The following SERTM1 variants were observed in gnomAD, a reference collection of about 807,000 sequenced individuals.
SERTM1 encodes serine rich and transmembrane domain containing 1.
Under a neutral mutation model 5.5 loss-of-function variants are expected in SERTM1, and 1 was observed. The ratio of observed to expected loss-of-function variants is 0.18; its 90% CI spans 0.06 to 0.86. SERTM1 has a LOEUF of 0.86. Among genes scored for constraint, SERTM1 ranks in the 40% least tolerant of loss-of-function variants. The pLI, the probability that SERTM1 is intolerant of heterozygous loss-of-function variation, is 0.69. For synonymous variants in SERTM1, 52 were observed against 55.1 expected, an observed-to-expected ratio of 0.94 and a Z score of 0.25; for missense variants, 91 against 122.4, an observed-to-expected ratio of 0.74 and a Z score of 1.21.
At chr13:36,680,441 C>T (rs2056697619) in intron 1 of SERTM1, among the ~76,000 whole-genome samples, 1 of 152,112 alleles carries the variant, frequency 6.6e-6, no homozygotes, top group Admixed American at 6.5e-5. Context: ...TTTTTGTCTG[C>T]CTTCCTCTTG....
At chr13:36,689,049 C>T (rs2056760401) in intron 1 of SERTM1, among the ~76,000 whole-genome samples, 1 of 152,132 alleles carries the variant, frequency 6.6e-6, no homozygotes, top group African/African-American at 2.4e-5. Context: ...AAATGCTATG[C>T]CTGGACCTGG....
chr13:36,695,340 AC>A lies in SERTM1; in HGVS notation c.264del (p.Asn89IlefsTer54). On this transcript the variant is annotated frameshift_variant, in exon 2 of 2. Transcript: ENST00000315190. LOFTEE classifies it high-confidence loss of function. ...TCCAAGCGACGCTGGAAGTTCTTTC[AC>A]CAATTTGGAAGTCTGCAGCATTTCC... is the stretch of plus-strand genomic sequence containing the variant. ...EYPSDAGSSF[T>X]NLEVCSISSQ... 6.2e-7 allele frequency: 1 copy of A among 1,614,028 alleles called. No homozygotes were observed. The highest frequency in any genetic ancestry group is 8.5e-7 in the Non-Finnish European group (1 of 1,180,006).
rs184928811 is a variant in SERTM1, at chr13:36,674,138, G to T, written c.-220G>T. On this transcript the variant is annotated 5_prime_UTR_variant, in exon 1 of 2. Coordinates refer to ENST00000315190, the MANE Select transcript of SERTM1 (RefSeq NM_203451.3). ...GTCCAGACCGGAGCACCGCCCCACCGCTAGCGCAGGAGACCTGCCGGGGAA... is the reference window on the plus strand; with the variant it reads ...GTCCAGACCGGAGCACCGCCCCACCTCTAGCGCAGGAGACCTGCCGGGGAA... 12 of 152,270 alleles carry T rather than the reference G, an allele frequency of 7.9e-5. No homozygotes were observed. The highest frequency in any genetic ancestry group is 2.0e-4 in the Admixed American group (3 of 15,286). 9.4% of individuals were successfully genotyped at this position (152,270 alleles called of 1,614,324 possible). A position where few individuals can be genotyped will look rare whatever the true frequency, so the allele number is the denominator to read the frequency against.
At chr13:36,679,646 G>T (rs1026301503) in intron 1 of SERTM1, among the ~76,000 whole-genome samples, 1 of 152,048 alleles carries the variant, frequency 6.6e-6, no homozygotes, top group Admixed American at 6.5e-5. Context: ...ACTTCAAGTG[G>T]TCCACCCGCC....
In SERTM1 at chr13:36,694,947, T is replaced by C; in HGVS notation, c.-132T>C. The C allele has an allele frequency of 1.5e-6, 1 of 668,104 alleles. No individual in the cohort carries two copies. The allele number at this position is 668,104 out of a possible 1,614,324, so 41.4% of individuals were successfully genotyped here. A position where few individuals can be genotyped will look rare whatever the true frequency, so the allele number is the denominator to read the frequency against. On this transcript the variant is annotated 5_prime_UTR_variant, in exon 2 of 2. Transcript: ENST00000315190. ...ATACCTGCTGCCTTTGAGAAACAAGTTTTGTTGTGCTGATTTAACAGCCTG... is the reference window on the plus strand; with the variant it reads ...ATACCTGCTGCCTTTGAGAAACAAGCTTTGTTGTGCTGATTTAACAGCCTG...
intron 1 of SERTM1, among the ~76,000 whole-genome samples, chr13:36,682,459 A>AG (rs1409948634): frequency 1.3e-5 from 2 of 152,244 alleles, no homozygotes; most frequent in Non-Finnish European, 2.9e-5. Context: ...ATTTGCATAG[A>AG]GAAAGTAGGT....
In SERTM1 at chr13:36,695,399, C is replaced by T. The variant is rs150035894; in HGVS notation, c.321C>T (p.Ser107=). The change falls in exon 2 of 2, where the codon TCC becomes TCT. Residue 107 remains serine, a synonymous_variant. Coordinates refer to ENST00000315190, the MANE Select transcript of SERTM1 (RefSeq NM_203451.3). ...GGTCCACTTTTTCAAACCTTTCATC[C>T]TGAGGAAAATGGAAGAGTCCTTGAG... ...SQRSTFSNLS[S] is the part of the protein sequence containing the mutation. 46 of 1,611,790 alleles carry T rather than the reference C, an allele frequency of 2.9e-5. No individual in the cohort carries two copies. In the East Asian group the frequency reaches 9.8e-4, roughly 34 times the overall value.
rs638469 is a variant in SERTM1 at position 36,696,624 on chromosome 13, G to C, written c.*1222G>C. 3.2e-4 allele frequency: 53 copies of C among 166,932 alleles called. No homozygotes were observed. Among genetic ancestry groups the C allele is most frequent in the African/African-American group, 1.2e-3 (48 of 41,554 alleles). 10.3% of individuals were successfully genotyped at this position (166,932 alleles called of 1,614,324 possible). A position where few individuals can be genotyped will look rare whatever the true frequency, so the allele number is the denominator to read the frequency against. On this transcript the variant is annotated 3_prime_UTR_variant, in exon 2 of 2. Coordinates refer to ENST00000315190, the MANE Select transcript of SERTM1 (RefSeq NM_203451.3). The stretch of plus-strand genomic sequence containing the variant: ...TGAACTCGGCGGGCGGGTGGCAGGG[G>C]CTGTCTGTGAAATTAGGCACACATG...
At chr13:36,693,984 A>G (rs888193801) in intron 1 of SERTM1, among the ~76,000 whole-genome samples, 12 of 152,122 alleles carry the variant, frequency 7.9e-5, no homozygotes, top group Admixed American at 2.6e-4. Context: ...TCCTTAAAAC[A>G]CAATACCCTA....
At chr13:36,690,549 A>G (rs2056771487) in intron 1 of SERTM1, among the ~76,000 whole-genome samples, 1 of 152,232 alleles carries the variant, frequency 6.6e-6, no homozygotes, top group South Asian at 2.1e-4. Flanking sequence ...AAAGGCCACT[A>G]AGGAGAGAGA....
intron 1 of SERTM1, among the ~76,000 whole-genome samples, chr13:36,694,024 TC>T (rs1210854831): frequency 1.3e-5 from 2 of 152,070 alleles, no homozygotes; most frequent in Non-Finnish European, 1.5e-5. Context: ...TCCCATTATC[TC>T]CCACCACACA....
At chr13:36,690,056 G>T (rs1010353899) in intron 1 of SERTM1, among the ~76,000 whole-genome samples, 1 of 152,090 alleles carries the variant, frequency 6.6e-6, no homozygotes, top group African/African-American at 2.4e-5. Flanking sequence ...AACTCTGAGT[G>T]TATTTTCTGA....
At position 36,695,922 on chromosome 13, in the gene SERTM1, A is replaced by G. The variant is rs541060133; in HGVS notation, c.*520A>G. 6.0e-6 allele frequency: 1 copy of G among 167,530 alleles called. No homozygotes were observed. Among genetic ancestry groups the G allele is most frequent in the Non-Finnish European group, 1.5e-5 (1 of 68,418 alleles). 10.4% of individuals were successfully genotyped at this position (167,530 alleles called of 1,614,324 possible). Reference sequence around the variant, plus strand: ...GACATTTCTAAAACTGAGGGTAAATATATGCTAAATATTTTCTTTAACTTC... The same window carrying G: ...GACATTTCTAAAACTGAGGGTAAATGTATGCTAAATATTTTCTTTAACTTC... On this transcript the variant is annotated 3_prime_UTR_variant, in exon 2 of 2. Coordinates refer to ENST00000315190, the MANE Select transcript of SERTM1 (RefSeq NM_203451.3).
intron 1 of SERTM1, among the ~76,000 whole-genome samples, chr13:36,676,144 G>T (rs980279949): frequency 6.6e-6 from 1 of 152,132 alleles, no homozygotes; most frequent in African/African-American, 2.4e-5. Context: ...TTTATTTGCA[G>T]GTTTCCTGGG....
intron 1 of SERTM1, among the ~76,000 whole-genome samples, chr13:36,675,603 T>C (rs2056664972): frequency 6.6e-6 from 1 of 152,230 alleles, no homozygotes; most frequent in Non-Finnish European, 1.5e-5. Flanking sequence ...GGTTCTTAAA[T>C]ATCTTTTTTG....
At chr13:36,679,700 C>A (rs1021247100) in intron 1 of SERTM1, among the ~76,000 whole-genome samples, 1 of 152,186 alleles carries the variant, frequency 6.6e-6, no homozygotes, top group Admixed American at 6.5e-5. Context: ...ACCCACCGCA[C>A]CTGACCTGCT....
chr13:36,683,642 C>T (rs1265215837), intron 1 of SERTM1, among the ~76,000 whole-genome samples: 1 of 152,158 alleles, frequency 6.6e-6, no homozygotes, highest in Admixed American at 6.5e-5. Context: ...GGTACTTACA[C>T]CATTACACAA....
intron 1 of SERTM1, among the ~76,000 whole-genome samples, chr13:36,693,004 C>T (rs669881): frequency 0.86 from 130,319 of 152,236 alleles, 55,873 homozygotes; most frequent in East Asian, 1. Context: ...TATCTGCCCA[C>T]GCAGAAAAGA....
At chr13:36,689,548 T>C (rs1022851894) in intron 1 of SERTM1, among the ~76,000 whole-genome samples, 4 of 148,340 alleles carry the variant, frequency 2.7e-5, no homozygotes, top group Non-Finnish European at 4.5e-5. Context: ...ATAATAATAG[T>C]TTTTTTCCCC....
Sources: allele counts gnomAD v4.1 joint callset (sites outside exome capture counted in the v4.1 genomes callset), GRCh38; gene constraint gnomAD v4.1.1; transcripts MANE v1.5; gene names NCBI Gene and HGNC (gene_info 2026-07-23, HGNC 2026-07-21).